CGNL1: variants seen among roughly 807,000 people sequenced by gnomAD.
CGNL1 encodes the protein cingulin-like protein 1.
CGNL1 carries 132 observed loss-of-function variants against 141.2 expected under a neutral mutation model. The ratio of observed to expected loss-of-function variants is 0.93; its 90% confidence interval spans 0.81 to 1.08. The LOEUF (loss-of-function observed/expected upper bound fraction) is 1.08, where lower values mean the gene tolerates loss of function less well. Ranked by LOEUF, CGNL1 falls within the 50% of genes least tolerant of loss-of-function variation. CGNL1 has a pLI of 0.00. For missense variants in CGNL1, 1,870 were observed against 1,588.6 expected (o/e 1.18, Z -3.01); for synonymous variants, 690 against 622.1 (o/e 1.11, Z -1.63).
At chr15:57,474,621 T>C (rs1243971197) in intron 8 of CGNL1, among the ~76,000 whole-genome samples, 1 of 152,244 alleles carries the variant, frequency 6.6e-6, no homozygotes, top group Non-Finnish European at 1.5e-5. Flanking sequence ...GTCATTGACT[T>C]CATAGAATTC....
chr15:57,414,487 C>G (rs528821881), intron 1 of CGNL1, among the ~76,000 whole-genome samples: 116 of 152,262 alleles, frequency 7.6e-4, no homozygotes, highest in African/African-American at 2.8e-3. Context: ...TGTGAAGAGA[C>G]AGACTTTTGA....
chr15:57,489,273 G>A (rs1248704217), intron 8 of CGNL1, among the ~76,000 whole-genome samples: 1 of 152,168 alleles, frequency 6.6e-6, no homozygotes, highest in Non-Finnish European at 1.5e-5. Context: ...ATAACATGTA[G>A]GAAAGATGAG....
intron 10 of CGNL1, among the ~76,000 whole-genome samples, chr15:57,521,508 A>T (rs2031252184): frequency 6.6e-6 from 1 of 152,140 alleles, no homozygotes; most frequent in Non-Finnish European, 1.5e-5. Flanking sequence ...TAGTGAACAT[A>T]CCCAGATAGA....
chr15:57,493,294 T>C (rs373563743), intron 8 of CGNL1, among the ~76,000 whole-genome samples: 5 of 152,176 alleles, frequency 3.3e-5, no homozygotes, highest in African/African-American at 1.2e-4. Flanking sequence ...ACTTGTGCTC[T>C]CTTCTTTTGA....
intron 1 of CGNL1, among the ~76,000 whole-genome samples, chr15:57,384,668 CTTTATT>C (rs2062462334): frequency 1.5e-5 from 2 of 135,062 alleles, no homozygotes; most frequent in East Asian, 2.9e-4. Flanking sequence ...TTCCCATAAA[CTTTATT>C]TTCTTTCTTT....
intron 1 of CGNL1, among the ~76,000 whole-genome samples, chr15:57,385,120 C>T (rs1358833427): frequency 1.3e-5 from 2 of 152,206 alleles, no homozygotes; most frequent in Non-Finnish European, 2.9e-5. Flanking sequence ...CGGGGCTGCT[C>T]TTGTCATCAG....
chr15:57,439,061 T>C lies in CGNL1; in HGVS notation c.1062T>C (p.Asp354=). 1 of 1,614,148 alleles carries C rather than the reference T, an allele frequency of 6.2e-7. No homozygotes were observed. The highest frequency in any genetic ancestry group is 8.5e-7 in the Non-Finnish European group (1 of 1,180,028). Residue 354 remains aspartate, a synonymous_variant, in exon 2 of 19, where the codon GAT becomes GAC. Transcript: ENST00000281282. ...ATACAGGATCAATTCCTGGTGTGGA[T>C]CAGTTAATTGAAAAATTTGATCAAA... is the stretch of plus-strand genomic sequence containing the variant. The part of the protein sequence containing the change: ...DIDTGSIPGV[D]QLIEKFDQKP...
intron 8 of CGNL1, among the ~76,000 whole-genome samples, chr15:57,464,196 C>G (rs530081790): frequency 6.6e-6 from 1 of 151,808 alleles, no homozygotes; most frequent in South Asian, 2.1e-4. Flanking sequence ...GGGACTGTGA[C>G]AAGCTGGCTG....
chr15:57,423,185 C>G (rs74963519), intron 1 of CGNL1, among the ~76,000 whole-genome samples: 3,680 of 152,214 alleles, frequency 0.024, 125 homozygotes, highest in African/African-American at 0.084. Flanking sequence ...CTGATCGTGT[C>G]ACACCCTTAG....
rs111851209 is a variant in CGNL1, at chr15:57,549,263, TGGTC to T, written c.*1774_*1777del. The stretch of plus-strand genomic sequence containing the variant: ...ACAGGTCAGAATATGGGACAGGACA[TGGTC>T]AGGGAGAGGACCCTGTGAGTTGGTG... On this transcript the variant is annotated 3_prime_UTR_variant, in exon 19 of 19. Coordinates refer to ENST00000281282, the MANE Select transcript of CGNL1 (RefSeq NM_032866.5). 11,464 of 152,400 alleles carry T rather than the reference TGGTC, an allele frequency of 0.075. 1,027 individuals are homozygous for T. The highest frequency in any genetic ancestry group is 0.22 in the African/African-American group (9,087 of 41,448). 9.4% of individuals were successfully genotyped at this position (152,400 alleles called of 1,614,324 possible).
intron 14 of CGNL1, among the ~76,000 whole-genome samples, chr15:57,541,337 G>A (rs1312376266): frequency 6.6e-6 from 1 of 152,268 alleles, no homozygotes; most frequent in Non-Finnish European, 1.5e-5. Flanking sequence ...TCTGTCCTCA[G>A]TCCCGTGGCC....
At chr15:57,493,806 T>A (rs2063899967) in intron 8 of CGNL1, among the ~76,000 whole-genome samples, 1 of 152,224 alleles carries the variant, frequency 6.6e-6, no homozygotes, top group Non-Finnish European at 1.5e-5. Flanking sequence ...CTGCTATGGT[T>A]ATAATAGGTG....
chr15:57,380,843 C>A (rs749401471), intron 1 of CGNL1, among the ~76,000 whole-genome samples: 14 of 152,188 alleles, frequency 9.2e-5, no homozygotes, highest in Non-Finnish European at 1.9e-4. Flanking sequence ...AGCTTAGTAG[C>A]GGCTACCTCC....
intron 7 of CGNL1, among the ~76,000 whole-genome samples, chr15:57,455,579 A>G (rs919928731): frequency 1.1e-4 from 17 of 152,198 alleles, no homozygotes; most frequent in Admixed American, 5.9e-4. Context: ...TTCAAGAGCA[A>G]TCACTTTTGC....
chr15:57,410,005 A>C (rs2062768477), intron 1 of CGNL1, among the ~76,000 whole-genome samples: 1 of 152,222 alleles, frequency 6.6e-6, no homozygotes, highest in South Asian at 2.1e-4. Flanking sequence ...GATTAAAGGC[A>C]CAAGCCGTTA....
At chr15:57,421,735 G>T (rs141275106) in intron 1 of CGNL1, among the ~76,000 whole-genome samples, 4 of 152,162 alleles carry the variant, frequency 2.6e-5, no homozygotes, top group African/African-American at 9.6e-5. Context: ...TCTGGGTCCC[G>T]TCCCTGCTCT....
In CGNL1 at chr15:57,438,174, AAC is replaced by A. The variant is rs1212808363; in HGVS notation, c.179_180del (p.Thr60ArgfsTer11). 1.2e-6 allele frequency: 2 copies of A among 1,614,192 alleles called. No individual in the cohort carries two copies. Among genetic ancestry groups the A allele is most frequent in the South Asian group, 1.1e-5 (1 of 91,082 alleles). ...TGGTCACCCCTATATTGTCCTGAAT[AAC>A]ACAGAACGGTGCCTAGCAGGCACAT... ...IDGHPYIVLN[N>X]TERCLAGTSF... On this transcript the variant is annotated frameshift_variant, in exon 2 of 19. Coordinates refer to ENST00000281282, the MANE Select transcript of CGNL1 (RefSeq NM_032866.5). LOFTEE classifies it high-confidence loss of function.
chr15:57,453,106 A>C lies in CGNL1; in HGVS notation c.2055-577A>C, dbSNP rs192528707. Among the ~76,000 whole-genome samples the C allele has an allele frequency of 4.9e-3, 748 of 152,136 alleles. 8 individuals carry two copies. The highest frequency in any genetic ancestry group is 0.017 in the African/African-American group (702 of 41,472). ...TTTGGTTCAGGACAGAGTTTTGTAA[A>C]CTTTTTTTTCATCAGGTGGTGATTA... On this transcript the variant is annotated intron_variant, in intron 6 of 18. Coordinates refer to ENST00000281282, the MANE Select transcript of CGNL1 (RefSeq NM_032866.5).
chr15:57,467,268 C>T (rs1567618), intron 8 of CGNL1, among the ~76,000 whole-genome samples: 12,018 of 152,150 alleles, frequency 0.079, 803 homozygotes, highest in East Asian at 0.33. Context: ...ATATAGGAAT[C>T]CCTATAGGAG....
Sources: gnomAD v4.1 joint callset for allele counts (sites outside exome capture counted in the v4.1 genomes callset) on GRCh38, gnomAD v4.1.1 for gene constraint, MANE v1.5 for transcripts, NCBI Gene and HGNC (gene_info 2026-07-23, HGNC 2026-07-21) for gene names.